Variants in SIPA1L1 observed in about 807,000 individuals in gnomAD.
SIPA1L1 encodes signal-induced proliferation-associated 1-like protein 1.
In SIPA1L1, 26 loss-of-function variants were observed where a neutral mutation model predicts 162.7. That is an observed-to-expected ratio of 0.16 (90% CI 0.12 to 0.22). The LOEUF (loss-of-function observed/expected upper bound fraction) is 0.22. Among genes scored for constraint, SIPA1L1 ranks in the 10% least tolerant of loss-of-function variants. The pLI, the probability that SIPA1L1 is intolerant of heterozygous loss-of-function variation, is 1.00. For missense variants in SIPA1L1, 1,874 were observed against 2,241.0 expected (o/e 0.84, Z 3.31); for synonymous variants, 829 against 837.4 (o/e 0.99, Z 0.17).
chr14:71,488,461 C>T (rs532797536), intron 2 of SIPA1L1, among the ~76,000 whole-genome samples: 46 of 152,186 alleles, frequency 3.0e-4, no homozygotes, highest in African/African-American at 1.1e-3. Flanking sequence ...TATGCTAGTG[C>T]CAACCTTATA....
intron 2 of SIPA1L1, among the ~76,000 whole-genome samples, chr14:71,326,594 C>T (rs1315249382): frequency 2.0e-5 from 3 of 152,022 alleles, no homozygotes; most frequent in African/African-American, 7.3e-5. Flanking sequence ...GCCAAACGAT[C>T]GTGTTCCTAT....
chr14:71,668,165 A>G (rs939649845), intron 10 of SIPA1L1, among the ~76,000 whole-genome samples: 7 of 152,234 alleles, frequency 4.6e-5, no homozygotes, highest in African/African-American at 1.7e-4. Context: ...ATGCCAACCA[A>G]TGTTACATGG....
At position 71,529,361 on chromosome 14, in the gene SIPA1L1, C is replaced by G; in HGVS notation, c.-312C>G. 1 of 682,548 alleles carries G rather than the reference C, an allele frequency of 1.5e-6. No homozygotes were observed. Among genetic ancestry groups the G allele is most frequent in the South Asian group, 1.6e-5 (1 of 63,716 alleles). The allele number at this position is 682,548 out of a possible 1,614,324, so 42.3% of individuals were successfully genotyped here. A position where few individuals can be genotyped will look rare whatever the true frequency, so the allele number is the denominator to read the frequency against. ...TGTCTAAATTTCGGTAGCCATGGCA[C>G]AAGAATATAGTAAGTACTATGCCAT... On this transcript the variant is annotated 5_prime_UTR_variant, in exon 4 of 24. Coordinates refer to ENST00000381232, the MANE Select transcript of SIPA1L1 (RefSeq NM_001386936.1).
At chr14:71,634,943 A>C (rs952631390) in intron 7 of SIPA1L1, among the ~76,000 whole-genome samples, 1 of 151,610 alleles carries the variant, frequency 6.6e-6, no homozygotes, top group African/African-American at 2.4e-5. Flanking sequence ...CTCAAAAAAA[A>C]AAAAATAGCT....
intron 2 of SIPA1L1, among the ~76,000 whole-genome samples, chr14:71,353,137 T>C (rs919774016): frequency 6.6e-6 from 1 of 152,262 alleles, no homozygotes; most frequent in African/African-American, 2.4e-5. Flanking sequence ...ATTATTGATT[T>C]ATAGAAATTT....
At chr14:71,670,945 G>A (rs1166135208) in intron 10 of SIPA1L1, among the ~76,000 whole-genome samples, 174 bp from the exon 11 acceptor site, 1 of 152,080 alleles carries the variant, frequency 6.6e-6, no homozygotes, top group Non-Finnish European at 1.5e-5. Context: ...TCCTAAATGC[G>A]GTAGAATGAA....
intron 10 of SIPA1L1, among the ~76,000 whole-genome samples, chr14:71,666,733 C>T (rs546715415): frequency 3.9e-5 from 6 of 151,918 alleles, no homozygotes; most frequent in African/African-American, 1.4e-4. Context: ...GGAATTAGAC[C>T]AAATTGTTAA....
At chr14:71,671,922 TGTG>T (rs1476459244) in intron 11 of SIPA1L1, among the ~76,000 whole-genome samples, 16 of 151,856 alleles carry the variant, frequency 1.1e-4, no homozygotes, top group African/African-American at 3.6e-4. Flanking sequence ...TGTGTGTGTG[TGTG>T]TGTGTGTGTG....
chr14:71,476,057 C>T (rs910759403), intron 2 of SIPA1L1, among the ~76,000 whole-genome samples: 5 of 152,276 alleles, frequency 3.3e-5, no homozygotes, highest in Admixed American at 1.3e-4. Context: ...GTAGAGGCAC[C>T]GCAGTTGTGG....
chr14:71,422,043 C>T (rs903855749), intron 2 of SIPA1L1, among the ~76,000 whole-genome samples: 4 of 152,162 alleles, frequency 2.6e-5, no homozygotes, highest in Non-Finnish European at 5.9e-5. Context: ...TGGAGTATGA[C>T]GTTTTTACTT....
chr14:71,408,545 A>C (rs1002212628), intron 2 of SIPA1L1, among the ~76,000 whole-genome samples: 2 of 152,144 alleles, frequency 1.3e-5, no homozygotes, highest in African/African-American at 4.8e-5. Flanking sequence ...GTGGAATGTG[A>C]TGGGGACTCT....
chr14:71,572,548 A>G (rs2032275055), intron 4 of SIPA1L1, among the ~76,000 whole-genome samples: 1 of 152,202 alleles, frequency 6.6e-6, no homozygotes, highest in African/African-American at 2.4e-5. Context: ...AGAGAAAGAA[A>G]GGAACTGTCA....
At chr14:71,479,359 ATGTATGTATGTATGTG>A (rs1271357452) in intron 2 of SIPA1L1, among the ~76,000 whole-genome samples, 1 of 151,554 alleles carries the variant, frequency 6.6e-6, no homozygotes, top group East Asian at 1.9e-4. Flanking sequence ...GTATGTATGT[ATGTATGTATGTATGTG>A]TGTATATATG....
intron 17 of SIPA1L1, among the ~76,000 whole-genome samples, chr14:71,718,223 A>C (rs1461961629): frequency 6.6e-6 from 1 of 152,210 alleles, no homozygotes; most frequent in Non-Finnish European, 1.5e-5. Flanking sequence ...GGCCCACTGA[A>C]TTAGAGGCCC....
chr14:71,435,776 G>A (rs2044332735), intron 2 of SIPA1L1, among the ~76,000 whole-genome samples: 1 of 152,176 alleles, frequency 6.6e-6, no homozygotes, highest in Non-Finnish European at 1.5e-5. Context: ...GGTTGAACTA[G>A]TTTACAGTCC....
At chr14:71,732,124 T>C (rs1011455957) in intron 20 of SIPA1L1, among the ~76,000 whole-genome samples, 8 of 152,270 alleles carry the variant, frequency 5.3e-5, no homozygotes, top group Non-Finnish European at 5.9e-5. Context: ...TTCCATTTAC[T>C]CATGATTTTG....
At chr14:71,432,106 T>A (rs1020926911) in intron 2 of SIPA1L1, among the ~76,000 whole-genome samples, 7 of 152,070 alleles carry the variant, frequency 4.6e-5, no homozygotes, top group Admixed American at 3.9e-4. Context: ...AAGGATCTTG[T>A]CTCTGTAGCC....
chr14:71,323,319 TTTC>T (rs1395980706), intron 2 of SIPA1L1, among the ~76,000 whole-genome samples: 2 of 152,226 alleles, frequency 1.3e-5, no homozygotes, highest in Admixed American at 6.5e-5. Context: ...AATGACTGTT[TTTC>T]TTTTTTTAAA....
At chr14:71,360,315 GATA>G (rs1199935204) in intron 2 of SIPA1L1, among the ~76,000 whole-genome samples, 1 of 152,154 alleles carries the variant, frequency 6.6e-6, no homozygotes, top group African/African-American at 2.4e-5. Context: ...AAAGATGATA[GATA>G]ATGTCTTAGG....
Sources: gnomAD v4.1 joint callset for allele counts (sites outside exome capture counted in the v4.1 genomes callset) on GRCh38, gnomAD v4.1.1 for gene constraint, MANE v1.5 for transcripts, NCBI Gene and HGNC (gene_info 2026-07-23, HGNC 2026-07-21) for gene names.